The following SPRING1 variants were observed in gnomAD, a reference collection of about 807,000 sequenced individuals.
SPRING1 encodes SREBP regulating gene protein.
In SPRING1, 14 loss-of-function variants were observed where a neutral mutation model predicts 24.7. That is an observed-to-expected ratio of 0.57 (90% CI 0.37 to 0.88). The LOEUF (loss-of-function observed/expected upper bound fraction) is 0.88, where lower values mean the gene tolerates loss of function less well. SPRING1 is among the 40% of genes least tolerant of loss of function. The pLI is 0.00. For missense variants in SPRING1, 255 were observed against 268.4 expected (o/e 0.95, Z 0.35); for synonymous variants, 93 against 106.1 (o/e 0.88, Z 0.76).
At position 116,719,735 on chromosome 12, in the gene SPRING1, C is replaced by T. The variant is rs560355233; in HGVS notation, c.534+28G>A. 1.9e-6 allele frequency: 3 copies of T among 1,580,900 alleles called. No homozygotes were observed. The African/African-American group carries it at 4.0e-5, about 21-fold the overall frequency. ...CCTTCTAACCCGTCAGCTGCCATCC[C>T]ACAGCTAGAGACATCACAGCTTCTG... On this transcript the variant is annotated intron_variant, in intron 4 of 4. Coordinates refer to ENST00000261318, the MANE Select transcript of SPRING1 (RefSeq NM_024738.4).
At chr12:116,736,570 A>G (rs1159187654) in intron 1 of SPRING1, among the ~76,000 whole-genome samples, 4 of 152,154 alleles carry the variant, frequency 2.6e-5, no homozygotes, top group African/African-American at 9.7e-5. Context: ...TGTTCTATTC[A>G]CTTATATATT....
chr12:116,717,730 G>C lies in SPRING1; in HGVS notation c.*80C>G. Reference sequence around the variant, plus strand: ...TTGTCTTCTTCCTGCAGCCTGGCCCGATGGCTGAAGCTGGGTCCCAGGAGG... The same window carrying C: ...TTGTCTTCTTCCTGCAGCCTGGCCCCATGGCTGAAGCTGGGTCCCAGGAGG... On this transcript the variant is annotated 3_prime_UTR_variant, in exon 5 of 5. Transcript: ENST00000261318. The surrounding 1 kb of genome is among the most constrained non-coding windows in gnomAD (Gnocchi z 4.2). 7.9e-7 allele frequency: 1 copy of C among 1,270,578 alleles called. No homozygotes were observed. Among genetic ancestry groups the C allele is most frequent in the South Asian group, 1.3e-5 (1 of 75,264 alleles). The allele number at this position is 1,270,578 out of a possible 1,614,324, so 78.7% of individuals were successfully genotyped here.
At chr12:116,731,349 T>TA (rs1870967058) in intron 1 of SPRING1, among the ~76,000 whole-genome samples, 1 of 152,222 alleles carries the variant, frequency 6.6e-6, no homozygotes, top group Admixed American at 6.5e-5. Flanking sequence ...ATTTTGTCGT[T>TA]ATTCTGAAAA....
chr12:116,736,947 G>C (rs774340448), intron 1 of SPRING1, among the ~76,000 whole-genome samples: 1 of 152,148 alleles, frequency 6.6e-6, no homozygotes, highest in Non-Finnish European at 1.5e-5. Context: ...CCATGCGAGG[G>C]CTGGCCGACC....
chr12:116,729,488 A>C (rs1441442106), intron 1 of SPRING1, among the ~76,000 whole-genome samples: 1 of 152,246 alleles, frequency 6.6e-6, no homozygotes, highest in Non-Finnish European at 1.5e-5. Flanking sequence ...ATACCAAGAG[A>C]AATTAAAACA....
chr12:116,737,684 GGAAGGAAAAAAGGAGGAAGGTA>G, intron 1 of SPRING1, 84 bp downstream of exon 1: 1 of 1,273,932 alleles, frequency 7.8e-7, no homozygotes, highest in Non-Finnish European at 1.0e-6. Context: ...AAGACAGGGA[GGAAGGAAAAAAGGAGGAAGGTA>G]ACGAAGGAAG....
At chr12:116,730,911 T>C (rs977688238) in intron 1 of SPRING1, among the ~76,000 whole-genome samples, 12 of 152,252 alleles carry the variant, frequency 7.9e-5, no homozygotes, top group Non-Finnish European at 7.3e-5. Context: ...CACTTCATTT[T>C]CAAGAAAATG....
Position 116,717,722 on chromosome 12 carries a change from C to T in SPRING1, c.*88G>A. The T allele has an allele frequency of 8.3e-7, 1 of 1,202,810 alleles. No individual in the cohort carries two copies. The highest frequency in any genetic ancestry group is 1.2e-6 in the Non-Finnish European group (1 of 860,578). The allele number at this position is 1,202,810 out of a possible 1,614,324, so 74.5% of individuals were successfully genotyped here. ...CGCTGCCTTTGTCTTCTTCCTGCAG[C>T]CTGGCCCGATGGCTGAAGCTGGGTC... is the stretch of plus-strand genomic sequence containing the variant. On this transcript the variant is annotated 3_prime_UTR_variant, in exon 5 of 5. Coordinates refer to ENST00000261318, the MANE Select transcript of SPRING1 (RefSeq NM_024738.4). The surrounding 1 kb of genome is among the most constrained non-coding windows in gnomAD (Gnocchi z 4.2).
In SPRING1 at chr12:116,715,236, T is replaced by A. The variant is rs1870068185; in HGVS notation, c.*2574A>T. Reference sequence around the variant, plus strand: ...GGCATAAGCCACCACGCCCCACCAATGAAATGTTTTCTAAAGGTGTTTTCA... The same window carrying A: ...GGCATAAGCCACCACGCCCCACCAAAGAAATGTTTTCTAAAGGTGTTTTCA... On this transcript the variant is annotated 3_prime_UTR_variant, in exon 5 of 5. Transcript: ENST00000261318. The A allele has an allele frequency of 6.6e-6, 1 of 152,162 alleles. No individual in the cohort carries two copies. 9.4% of individuals were successfully genotyped at this position (152,162 alleles called of 1,614,324 possible). A position where few individuals can be genotyped will look rare whatever the true frequency, so the allele number is the denominator to read the frequency against.
Position 116,720,031 on chromosome 12 carries a change from G to A in SPRING1, c.421-155C>T, listed in dbSNP as rs78679910. The A allele has an allele frequency of 2.2e-3, 1,596 of 726,276 alleles. 23 individuals are homozygous for A. The African/African-American group carries it at 0.024, about 11-fold the overall frequency. The allele number at this position is 726,276 out of a possible 1,614,324, so 45.0% of individuals were successfully genotyped here. On this transcript the variant is annotated intron_variant, in intron 3 of 4. Coordinates refer to ENST00000261318, the MANE Select transcript of SPRING1 (RefSeq NM_024738.4). The surrounding 1 kb of genome is among the most constrained non-coding windows in gnomAD (Gnocchi z 4.0). ...GGAAAGGACACACGCGTGCACACAC[G>A]TGCATGCCAAAACACCCTGGGTATC...
At chr12:116,737,533 AGGAAGG>A (rs1871306319) in intron 1 of SPRING1, among the ~76,000 whole-genome samples, 1 of 5,382 alleles carries the variant, frequency 1.9e-4, no homozygotes, top group African/African-American at 4.2e-4. Context: ...AGGAAGGAGG[AGGAAGG>A]TGAGGAAGGT....
In SPRING1 at chr12:116,717,260, A is replaced by G. The variant is rs1870183571; in HGVS notation, c.*550T>C. Reference sequence around the variant, plus strand: ...TGCCTAGAGAGAATATTCACGTCCTAAAAGAGAAAATGTTGTATCTGGGTG... The same window carrying G: ...TGCCTAGAGAGAATATTCACGTCCTGAAAGAGAAAATGTTGTATCTGGGTG... On this transcript the variant is annotated 3_prime_UTR_variant, in exon 5 of 5. Transcript: ENST00000261318. This position sits in a 1 kb window ranked among gnomAD's most constrained non-coding sequence, Gnocchi z 4.2. 6.6e-6 allele frequency: 1 copy of G among 152,266 alleles called. No homozygotes were observed. The highest frequency in any genetic ancestry group is 2.4e-5 in the African/African-American group (1 of 41,456). The allele number at this position is 152,266 out of a possible 1,614,324, so 9.4% of individuals were successfully genotyped here.
chr12:116,723,321 C>T (rs935091767), intron 1 of SPRING1, 98 bp from the exon 2 acceptor site: 2 of 1,392,398 alleles, frequency 1.4e-6, no homozygotes, highest in African/African-American at 2.8e-5. Context: ...GACAGAAATA[C>T]TATAAAAGGC....
chr12:116,711,788 T>C lies in SPRING1; in HGVS notation c.*6022A>G, dbSNP rs1869881966. 1 of 151,504 alleles carries C rather than the reference T, an allele frequency of 6.6e-6. No individual in the cohort carries two copies. Among genetic ancestry groups the C allele is most frequent in the African/African-American group, 2.4e-5 (1 of 41,382 alleles). 9.4% of individuals were successfully genotyped at this position (151,504 alleles called of 1,614,324 possible). On this transcript the variant is annotated 3_prime_UTR_variant, in exon 5 of 5. Coordinates refer to ENST00000261318, the MANE Select transcript of SPRING1 (RefSeq NM_024738.4). ...CACTACCATGCCTGGCTCCTTTTTT[T>C]TATTTTTTGTAGAGACAGGGTCTCC...
intron 1 of SPRING1, 109 bp downstream of exon 1, chr12:116,737,681 G>T (rs1272434509): frequency 6.3e-6 from 8 of 1,264,802 alleles, no homozygotes; most frequent in Non-Finnish European, 8.3e-6. Flanking sequence ...AGGAAGACAG[G>T]GAGGAAGGAA....
Position 116,720,016 on chromosome 12 carries a change from C to T in SPRING1, c.421-140G>A. Reference sequence around the variant, plus strand: ...AGAAAAGGAGGGAGGGGAAAGGACACACGCGTGCACACACGTGCATGCCAA... The same window carrying T: ...AGAAAAGGAGGGAGGGGAAAGGACATACGCGTGCACACACGTGCATGCCAA... On this transcript the variant is annotated intron_variant, in intron 3 of 4. Coordinates refer to ENST00000261318, the MANE Select transcript of SPRING1 (RefSeq NM_024738.4). The surrounding 1 kb of genome is among the most constrained non-coding windows in gnomAD (Gnocchi z 4.0). 5 of 764,022 alleles carry T rather than the reference C, an allele frequency of 6.5e-6. No individual in the cohort carries two copies. The South Asian group carries it at 7.1e-5, about 11-fold the overall frequency. The allele number at this position is 764,022 out of a possible 1,614,324, so 47.3% of individuals were successfully genotyped here. A position where few individuals can be genotyped will look rare whatever the true frequency, so the allele number is the denominator to read the frequency against.
At position 116,715,327 on chromosome 12, in the gene SPRING1, A is replaced by G. The variant is rs1472308548; in HGVS notation, c.*2483T>C. 4 of 152,118 alleles carry G rather than the reference A, an allele frequency of 2.6e-5. No individual in the cohort carries two copies. Among genetic ancestry groups the G allele is most frequent in the Admixed American group, 2.6e-4 (4 of 15,270 alleles). 9.4% of individuals were successfully genotyped at this position (152,118 alleles called of 1,614,324 possible). ...ACTTCGCTGGGCTCTGGGCAAACAA[A>G]ACTTAGACAAGGTCCCTGATTCTAG... On this transcript the variant is annotated 3_prime_UTR_variant, in exon 5 of 5. Transcript: ENST00000261318.
In SPRING1 at chr12:116,718,788, C is replaced by T. The variant is rs138400446; in HGVS notation, c.535-895G>A. Reference sequence around the variant, plus strand: ...AATCAAAATGAGTCATGTGTTCAGCCTTCCTCCTCATTTCCTTTAAAGCTC... The same window carrying T: ...AATCAAAATGAGTCATGTGTTCAGCTTTCCTCCTCATTTCCTTTAAAGCTC... On this transcript the variant is annotated intron_variant, in intron 4 of 4. Coordinates refer to ENST00000261318, the MANE Select transcript of SPRING1 (RefSeq NM_024738.4). 2.9e-3 allele frequency among the ~76,000 whole-genome samples: 439 copies of T among 152,312 alleles called. 2 individuals are homozygous for T. The highest frequency in any genetic ancestry group is 0.01 in the African/African-American group (426 of 41,566).
In SPRING1 at chr12:116,737,782, C is replaced by T; in HGVS notation, c.111+8G>A. The T allele has an allele frequency of 6.3e-7, 1 of 1,577,664 alleles. No homozygotes were observed. Among genetic ancestry groups the T allele is most frequent in the Admixed American group, 1.7e-5 (1 of 57,332 alleles). ...GGGAAGGGGAGGAGGGGAAGGGCGG[C>T]CACTGACCTGCTTGAAGGTGCTGCT... is the stretch of plus-strand genomic sequence containing the variant. On this transcript the variant is annotated splice_region_variant and intron_variant, in intron 1 of 4. Coordinates refer to ENST00000261318, the MANE Select transcript of SPRING1 (RefSeq NM_024738.4).
Sources: allele counts gnomAD v4.1 joint callset (sites outside exome capture counted in the v4.1 genomes callset), GRCh38; gene constraint gnomAD v4.1.1; non-coding constraint Gnocchi (gnomAD v3.1); transcripts MANE v1.5; gene names NCBI Gene and HGNC (gene_info 2026-07-23, HGNC 2026-07-21).